The following PIEZO1 variants were observed in gnomAD, a reference collection of about 807,000 sequenced individuals.
The protein encoded by PIEZO1 is piezo type mechanosensitive ion channel component 1 (Er blood group).
A neutral mutation model predicts 297.2 loss-of-function variants in PIEZO1; 296 were observed. The observed-to-expected ratio is 1.00, with a 90% CI of 0.91 to 1.10. The LOEUF is 1.10. Ranked by LOEUF, PIEZO1 falls within the 50% of genes least tolerant of loss-of-function variation. The pLI is 0.00. For synonymous variants in PIEZO1, 2,427 were observed against 1,507.5 expected, an observed-to-expected ratio of 1.61 and a Z score of -14.13; for missense variants, 5,018 against 3,455.5, an observed-to-expected ratio of 1.45 and a Z score of -11.34.
intron 1 of PIEZO1, among the ~76,000 whole-genome samples, chr16:88,762,579 C>T (rs1339196869): frequency 6.6e-6 from 1 of 152,190 alleles, no homozygotes; most frequent in African/African-American, 2.4e-5. Flanking sequence ...AGTGGTGCCA[C>T]GGCCAGAGGG....
chr16:88,748,636 A>T (rs1906197633), intron 2 of PIEZO1, among the ~76,000 whole-genome samples: 1 of 152,144 alleles, frequency 6.6e-6, no homozygotes, highest in African/African-American at 2.4e-5. Context: ...GAGAGTGGGC[A>T]GTTGGGGCCC....
At chr16:88,784,525 G>C (rs879533628) in intron 1 of PIEZO1, among the ~76,000 whole-genome samples, 175 of 151,904 alleles carry the variant, frequency 1.2e-3, no homozygotes, top group Non-Finnish European at 2.0e-3. Flanking sequence ...AAAGAGATTC[G>C]TGCTCCCCCC....
rs1233914144 is a variant in PIEZO1 at position 88,716,393 on chromosome 16, G to A, written c.7017C>T (p.Ala2339=). 1.3e-6 allele frequency: 2 copies of A among 1,547,992 alleles called. No individual in the cohort carries two copies. The highest frequency in any genetic ancestry group is 1.7e-6 in the Non-Finnish European group (2 of 1,145,634). ...GGTCCGAGGTGCCCTCGAGCAGGCT[G>A]GCCAGCTGCCGCCGTGCAGTGCTGT... ...APNSTARRQL[A]SLLEGTSDQS... The change falls in exon 48 of 51, where the codon GCC becomes GCT. Residue 2339 remains alanine (A), a synonymous_variant. Transcript: ENST00000301015.
At chr16:88,733,072 AC>A (rs1904975306) in intron 19 of PIEZO1, 1 of 597,398 alleles carries the variant, frequency 1.7e-6, no homozygotes, top group Non-Finnish European at 3.0e-6. Flanking sequence ...CCTACTGGAC[AC>A]CCTTGTGTGC....
chr16:88,724,250 G>T (rs1397005960), intron 30 of PIEZO1, among the ~76,000 whole-genome samples: 1 of 152,250 alleles, frequency 6.6e-6, no homozygotes, highest in African/African-American at 2.4e-5. Context: ...AACAGAACAG[G>T]CCGGGCACGG....
At chr16:88,727,909 G>A in intron 22 of PIEZO1, 1 of 332,676 alleles carries the variant, frequency 3.0e-6, no homozygotes, top group Non-Finnish European at 5.5e-6. Context: ...CACGGGGGTG[G>A]GGGCTGCTGG....
chr16:88,762,321 G>C (rs1199707768), intron 1 of PIEZO1, among the ~76,000 whole-genome samples: 1 of 152,170 alleles, frequency 6.6e-6, no homozygotes, highest in African/African-American at 2.4e-5. Flanking sequence ...CTCCCACTCA[G>C]CTCTCCTTCC....
chr16:88,719,076 G>A (rs1458650500), intron 44 of PIEZO1: 1 of 157,888 alleles, frequency 6.3e-6, no homozygotes, highest in Non-Finnish European at 1.4e-5. Context: ...TTGAACTCCT[G>A]GCCTTGAGCA....
intron 1 of PIEZO1, among the ~76,000 whole-genome samples, chr16:88,750,909 G>A (rs1367236467): frequency 1.3e-5 from 2 of 151,724 alleles, no homozygotes; most frequent in African/African-American, 4.9e-5. Context: ...TCAGGAGGCT[G>A]AGGAAGGAGG....
At chr16:88,766,542 G>A (rs1597483505) in intron 1 of PIEZO1, among the ~76,000 whole-genome samples, 1 of 152,210 alleles carries the variant, frequency 6.6e-6, no homozygotes, top group Non-Finnish European at 1.5e-5. Context: ...CACCTGGCAG[G>A]GCCCAAAGGG....
At chr16:88,721,473 G>A (rs1230393010) in intron 38 of PIEZO1, 43 bp from the exon 39 acceptor site, 24 of 1,539,028 alleles carry the variant, frequency 1.6e-5, no homozygotes, top group Non-Finnish European at 1.9e-5. Context: ...TGCCTCCCTG[G>A]TGGAGAGCAC....
Position 88,733,017 on chromosome 16 carries a change from G to T in PIEZO1, c.2664+261C>A, listed in dbSNP as rs1246716901. ...CCTGACTGTCTCTCCCTGTCCAGGG[G>T]TGGGGCCCTCCCGTCCTCACTGCCG... is the stretch of plus-strand genomic sequence containing the variant. On this transcript the variant is annotated intron_variant, in intron 19 of 50. Coordinates refer to ENST00000301015, the MANE Select transcript of PIEZO1 (RefSeq NM_001142864.4). 6 of 583,146 alleles carry T rather than the reference G, an allele frequency of 1.0e-5. No individual in the cohort carries two copies. The South Asian group carries it at 1.3e-4, about 12-fold the overall frequency. The allele number at this position is 583,146 out of a possible 1,614,324, so 36.1% of individuals were successfully genotyped here. A position where few individuals can be genotyped will look rare whatever the true frequency, so the allele number is the denominator to read the frequency against.
At chr16:88,726,022 T>C (rs1904398485) in intron 27 of PIEZO1, 2 of 565,672 alleles carry the variant, frequency 3.5e-6, no homozygotes, top group South Asian at 4.4e-5. Context: ...ACTTAGCCCT[T>C]AGTGGGAAAG....
At position 88,716,911 on chromosome 16, in the gene PIEZO1, C is replaced by T. The variant is rs1284692380; in HGVS notation, c.6661-13G>A. On this transcript the variant is annotated splice_polypyrimidine_tract_variant and intron_variant, in intron 45 of 50. Coordinates refer to ENST00000301015, the MANE Select transcript of PIEZO1 (RefSeq NM_001142864.4). ...TGGTGAACAGCGGCTGGGGCAGGCA[C>T]GGGGACACGGGGCCACGAAGATGAG... is the stretch of plus-strand genomic sequence containing the variant. 53 of 1,549,016 alleles carry T rather than the reference C, an allele frequency of 3.4e-5. No individual in the cohort carries two copies. The highest frequency in any genetic ancestry group is 3.9e-5 in the Admixed American group (2 of 50,984).
chr16:88,716,317 A>C (rs1172652034), intron 48 of PIEZO1, 40 bp from the exon 49 acceptor site: 10 of 1,498,282 alleles, frequency 6.7e-6, no homozygotes, highest in Non-Finnish European at 8.9e-6. Flanking sequence ...GGCCCAGCCA[A>C]CCTGGCACAG....
chr16:88,733,795 C>G, intron 17 of PIEZO1, 50 bp from the exon 18 acceptor site: 1 of 1,482,348 alleles, frequency 6.7e-7, no homozygotes. Flanking sequence ...ATTCCCGGGT[C>G]CCCTGTGAGG....
intron 10 of PIEZO1, 55 bp from the exon 11 acceptor site, chr16:88,736,794 C>T: frequency 9.1e-7 from 1 of 1,097,054 alleles, no homozygotes; most frequent in East Asian, 2.7e-5. Context: ...GCCTCCCCAC[C>T]CTGACTATGC....
At chr16:88,715,912 C>G (rs1466806259) in intron 50 of PIEZO1, 21 bp downstream of exon 50, 1 of 756,700 alleles carries the variant, frequency 1.3e-6, no homozygotes, top group South Asian at 2.5e-5. Flanking sequence ...CTGCGGGGTG[C>G]CCCCCCAGCC....
chr16:88,769,928 C>T (rs1405025712), intron 1 of PIEZO1, among the ~76,000 whole-genome samples: 1 of 152,190 alleles, frequency 6.6e-6, no homozygotes, highest in Non-Finnish European at 1.5e-5. Context: ...GGGGGTCACA[C>T]CCCTTCCAAT....
Sources: allele counts gnomAD v4.1 joint callset (sites outside exome capture counted in the v4.1 genomes callset), GRCh38; gene constraint gnomAD v4.1.1; transcripts MANE v1.5; gene names NCBI Gene and HGNC (gene_info 2026-07-23, HGNC 2026-07-21).